Variants in MYOF observed in about 807,000 individuals in gnomAD.
MYOF encodes fer-1-like 3, myoferlin.
Under a neutral mutation model 284.2 loss-of-function variants are expected in MYOF, and 244 were observed. That is an observed-to-expected ratio of 0.86 (90% confidence interval 0.77 to 0.95). The LOEUF is 0.95. MYOF is among the 40% of genes least tolerant of loss of function. MYOF has a pLI of 0.00. For synonymous variants in MYOF, 904 were observed against 919.7 expected, an observed-to-expected ratio of 0.98 and a Z score of 0.31; for missense variants, 2,496 against 2,560.6, an observed-to-expected ratio of 0.97 and a Z score of 0.54.
In MYOF at chr10:93,399,388, A is replaced by G; in HGVS notation, c.1221+4T>C. 8 of 1,602,662 alleles carry G rather than the reference A, an allele frequency of 5.0e-6. No homozygotes were observed. The highest frequency in any genetic ancestry group is 6.8e-6 in the Non-Finnish European group (8 of 1,170,424). ...CAGCATCTGCATTTAGATCATGTAC[A>G]AACCTTTTTTCCAGCAAAGGAAACT... On this transcript the variant is annotated splice_donor_region_variant and intron_variant, in intron 13 of 53. Coordinates refer to ENST00000359263, the MANE Select transcript of MYOF (RefSeq NM_013451.4).
At chr10:93,312,278 G>C (rs1455992605) in intron 51 of MYOF, among the ~76,000 whole-genome samples, 2 of 152,092 alleles carry the variant, frequency 1.3e-5, no homozygotes, top group Non-Finnish European at 2.9e-5. Context: ...TCCTCAACTT[G>C]CTTGTAATTT....
Position 93,349,931 on chromosome 10 carries a change from C to T in MYOF, c.3960G>A (p.Gln1320=). ...AWGLRNMKNF[Q]MASITSPSLV... ...GACTGGGGGATGTGATAGAAGCCAT[C>T]TGGAAGTTTTTCATATTTCTTAAGC... The change falls in exon 36 of 54, where the codon CAG becomes CAA. Residue 1320 remains glutamine (Q), a synonymous_variant. Transcript: ENST00000359263. 1.9e-6 allele frequency: 3 copies of T among 1,614,096 alleles called. No individual in the cohort carries two copies. In the African/African-American group the frequency reaches 4.0e-5, roughly 22 times the overall value.
At chr10:93,393,215 C>T (rs1846788300) in intron 16 of MYOF, among the ~76,000 whole-genome samples, 1 of 152,188 alleles carries the variant, frequency 6.6e-6, no homozygotes. Flanking sequence ...AGCAGAAGAG[C>T]TAGCTTCCCG....
chr10:93,335,069 G>T (rs1352891186), intron 41 of MYOF, among the ~76,000 whole-genome samples: 1 of 152,188 alleles, frequency 6.6e-6, no homozygotes, highest in Non-Finnish European at 1.5e-5. Context: ...ACCTGTGGGA[G>T]CCCAGAGCAG....
chr10:93,377,307 C>T lies in MYOF; in HGVS notation c.2108+16G>A, dbSNP rs771225484. 20 of 1,579,566 alleles carry T rather than the reference C, an allele frequency of 1.3e-5. No individual in the cohort carries two copies. Among genetic ancestry groups the T allele is most frequent in the East Asian group, 4.5e-5 (2 of 44,726 alleles). On this transcript the variant is annotated intron_variant, in intron 22 of 53. Transcript: ENST00000359263. ...GCCTGGATGAAAATTCTGAGATAGG[C>T]GTAAGATCACTGTACCTCGTGTCTT...
chr10:93,337,715 G>T, intron 40 of MYOF, 100 bp downstream of exon 40: 1 of 940,152 alleles, frequency 1.1e-6, no homozygotes, highest in Non-Finnish European at 1.7e-6. Flanking sequence ...CTGCTCATTA[G>T]CACCCACCCA....
chr10:93,424,956 T>TTG (rs1848516994), intron 5 of MYOF, among the ~76,000 whole-genome samples: 2 of 144,778 alleles, frequency 1.4e-5, no homozygotes, highest in African/African-American at 5.3e-5. Flanking sequence ...TTTTTTTTTT[T>TTG]GAGACGGAGT....
chr10:93,313,225 A>AAC lies in MYOF; in HGVS notation c.5699-17_5699-16dup. Reference sequence around the variant, plus strand: ...TTCTAGGAAACCTAGCCAAGGAAACAACAGTAAGTCCAAATGAGCTTCAAG... The same window carrying AAC: ...TTCTAGGAAACCTAGCCAAGGAAACAACACAGTAAGTCCAAATGAGCTTCAAG... On this transcript the variant is annotated splice_polypyrimidine_tract_variant and intron_variant, in intron 50 of 53. Transcript: ENST00000359263. 1.2e-6 allele frequency: 2 copies of AAC among 1,609,502 alleles called. No homozygotes were observed. Among genetic ancestry groups the AAC allele is most frequent in the South Asian group, 2.2e-5 (2 of 90,148 alleles).
intron 3 of MYOF, among the ~76,000 whole-genome samples, chr10:93,438,677 G>GAGGGCT (rs1231327792): frequency 1.3e-5 from 2 of 152,194 alleles, no homozygotes; most frequent in Admixed American, 6.5e-5. Flanking sequence ...GGAGGAGGTA[G>GAGGGCT]AGGGCTAGGG....
chr10:93,338,848 C>T (rs1843736284), intron 39 of MYOF, among the ~76,000 whole-genome samples: 1 of 151,788 alleles, frequency 6.6e-6, no homozygotes, highest in Admixed American at 6.6e-5. Flanking sequence ...AGGCCTCCCA[C>T]TCAGATTTAT....
chr10:93,431,453 C>A lies in MYOF; in HGVS notation c.300G>T (p.Pro100=). The change falls in exon 4 of 54, where the codon CCG becomes CCT. Residue 100 remains proline, a synonymous_variant. Transcript: ENST00000359263. ...CATTTAGCAGGGAGATCAGCTTGTA[C>A]GGCAGGGATCTGCTCTGGTCACCAG... ...DLTGDQSRSL[P]YKLISLLNEK... 1 of 1,613,988 alleles carries A rather than the reference C, an allele frequency of 6.2e-7. No individual in the cohort carries two copies. The highest frequency in any genetic ancestry group is 8.5e-7 in the Non-Finnish European group (1 of 1,179,938).
chr10:93,459,912 G>A (rs1244517348), intron 1 of MYOF, among the ~76,000 whole-genome samples: 2 of 152,068 alleles, frequency 1.3e-5, no homozygotes, highest in Non-Finnish European at 2.9e-5. Flanking sequence ...TCCCATAACC[G>A]GGGCTTGGGG....
Position 93,389,153 on chromosome 10 carries a change from T to A in MYOF, c.1458A>T (p.Val486=). 1 of 1,612,782 alleles carries A rather than the reference T, an allele frequency of 6.2e-7. No individual in the cohort carries two copies. The highest frequency in any genetic ancestry group is 1.3e-5 in the African/African-American group (1 of 74,988). Residue 486 remains valine, a splice_region_variant and synonymous_variant, in exon 18 of 54, where the codon GTA becomes GTT. Coordinates refer to ENST00000359263, the MANE Select transcript of MYOF (RefSeq NM_013451.4). ...SSGTGAASYT[V]NTGETEVGFV... ...AGCCTACCTCTGTTTCTCCTGTGTT[T>A]ACTGAGAGAGAAACATCATCATGAG... is the stretch of plus-strand genomic sequence containing the variant.
At chr10:93,426,781 C>G (rs553551748) in intron 4 of MYOF, among the ~76,000 whole-genome samples, 4 of 151,988 alleles carry the variant, frequency 2.6e-5, no homozygotes, top group South Asian at 4.2e-4. Flanking sequence ...CCCAGCTACT[C>G]AGAGGCTGAG....
chr10:93,444,322 T>C (rs1401537468), intron 3 of MYOF, among the ~76,000 whole-genome samples: 1 of 152,206 alleles, frequency 6.6e-6, no homozygotes, highest in Non-Finnish European at 1.5e-5. Flanking sequence ...TCTTACGGCA[T>C]TGAACAAGAG....
chr10:93,333,431 T>C (rs887452305), intron 42 of MYOF, 119 bp from the exon 43 acceptor site: 56 of 751,182 alleles, frequency 7.5e-5, no homozygotes, highest in Non-Finnish European at 1.1e-4. Flanking sequence ...GTGGCCGCCA[T>C]GGCACCCCGT....
At chr10:93,343,564 T>C (rs547199929) in intron 38 of MYOF, among the ~76,000 whole-genome samples, 72 of 152,362 alleles carry the variant, frequency 4.7e-4, no homozygotes, top group African/African-American at 1.6e-3. Flanking sequence ...AAAAACATAC[T>C]GATATCTAGG....
At chr10:93,359,668 G>A (rs1446700974) in intron 29 of MYOF, among the ~76,000 whole-genome samples, 165 bp downstream of exon 29, 1 of 152,242 alleles carries the variant, frequency 6.6e-6, no homozygotes, top group Non-Finnish European at 1.5e-5. Context: ...ATTCCCAGGT[G>A]ATGATGATAT....
At chr10:93,319,613 T>C (rs1842764670) in intron 49 of MYOF, among the ~76,000 whole-genome samples, 1 of 152,148 alleles carries the variant, frequency 6.6e-6, no homozygotes, top group Non-Finnish European at 1.5e-5. Context: ...CCGTTACTTC[T>C]ACCCTTTATC....
Sources: gnomAD v4.1 joint callset for allele counts (sites outside exome capture counted in the v4.1 genomes callset) on GRCh38, gnomAD v4.1.1 for gene constraint, MANE v1.5 for transcripts, NCBI Gene and HGNC (gene_info 2026-07-23, HGNC 2026-07-21) for gene names.